The following ZNF638 variants were observed in gnomAD, a reference collection of about 807,000 sequenced individuals.
ZNF638 encodes CTCL tumor antigen se33-1.
A neutral mutation model predicts 195.6 loss-of-function variants in ZNF638; 46 were observed. The observed-to-expected ratio is 0.24, with a 90% CI of 0.19 to 0.30. ZNF638 has a LOEUF of 0.30. Ranked by LOEUF, ZNF638 falls within the 10% of genes least tolerant of loss-of-function variation. The pLI is 1.00. For missense variants in ZNF638, 2,440 were observed against 2,325.3 expected, an observed-to-expected ratio of 1.05 and a Z score of -1.01; for synonymous variants, 845 against 772.0, an observed-to-expected ratio of 1.09 and a Z score of -1.57.
chr2:71,421,940 G>A (rs1254221823), intron 21 of ZNF638, among the ~76,000 whole-genome samples: 2 of 152,014 alleles, frequency 1.3e-5, no homozygotes, highest in Admixed American at 6.5e-5. Context: ...GGAATTATAG[G>A]ACTACTCACT....
chr2:71,385,298 G>T (rs2079614045), intron 10 of ZNF638, among the ~76,000 whole-genome samples: 1 of 152,156 alleles, frequency 6.6e-6, no homozygotes, highest in Non-Finnish European at 1.5e-5. Flanking sequence ...TCATCCCAGA[G>T]AAATGAAAAC....
In ZNF638 at chr2:71,424,025, A is replaced by G; in HGVS notation, c.4511A>G (p.Asp1504Gly). Residue 1504 changes from aspartate to glycine, a missense_variant, in exon 22 of 28, where the codon GAC becomes GGC. Transcript: ENST00000264447. Reference protein sequence around the residue: ...EARPSIMKRDDSNNKTLAEQN... With the variant: ...EARPSIMKRDGSNNKTLAEQN... ...AGACCTTCCATCATGAAACGGGATG[A>G]CAGCAACAATAAGGTGAGGAGGGTA... 6.2e-7 allele frequency: 1 copy of G among 1,613,630 alleles called. No homozygotes were observed. The highest frequency in any genetic ancestry group is 8.5e-7 in the Non-Finnish European group (1 of 1,179,666).
chr2:71,372,097 G>T (rs1248851939), intron 8 of ZNF638, among the ~76,000 whole-genome samples: 1 of 152,254 alleles, frequency 6.6e-6, no homozygotes, highest in African/African-American at 2.4e-5. Context: ...TATGGTGAGA[G>T]ATAGGGTTCA....
chr2:71,382,541 A>G (rs140989805), intron 10 of ZNF638, among the ~76,000 whole-genome samples: 58 of 152,300 alleles, frequency 3.8e-4, no homozygotes, highest in African/African-American at 1.4e-3. Flanking sequence ...GTGTAATTTG[A>G]TCATGAATGG....
intron 11 of ZNF638, among the ~76,000 whole-genome samples, chr2:71,397,574 T>C (rs2079919242): frequency 6.6e-6 from 1 of 152,202 alleles, no homozygotes; most frequent in African/African-American, 2.4e-5. Flanking sequence ...ACCACCCTTA[T>C]GTATAGGGAA....
intron 8 of ZNF638, among the ~76,000 whole-genome samples, chr2:71,377,215 G>C (rs1445291796): frequency 6.6e-6 from 1 of 152,090 alleles, no homozygotes; most frequent in South Asian, 2.1e-4. Flanking sequence ...GCTGGGTGAC[G>C]GAGTGAGACC....
At chr2:71,363,649 T>C (rs2079146508) in intron 4 of ZNF638, among the ~76,000 whole-genome samples, 1 of 152,250 alleles carries the variant, frequency 6.6e-6, no homozygotes, top group Non-Finnish European at 1.5e-5. Flanking sequence ...TTTAATACTT[T>C]AAAAACATAA....
Position 71,349,730 on chromosome 2 carries a change from G to A in ZNF638, c.776G>A (p.Cys259Tyr), listed in dbSNP as rs1303606469. 2 of 1,614,184 alleles carry A rather than the reference G, an allele frequency of 1.2e-6. No individual in the cohort carries two copies. The highest frequency in any genetic ancestry group is 2.2e-5 in the South Asian group (2 of 91,088). Reference protein sequence around the residue: ...SASVPNPNVICNSMFPVEDVF... With the variant: ...SASVPNPNVIYNSMFPVEDVF... ...TCTGTTCCCAATCCAAATGTGATAT[G>A]TAATTCTATGTTTCCTGTTGAAGAC... The change falls in exon 2 of 28, where the codon TGT becomes TAT. Residue 259 changes from cysteine (C) to tyrosine (Y), a missense_variant. Cys to Tyr is a radical substitution (Grantham distance 194). Transcript: ENST00000264447.
chr2:71,407,549 CGTTT>C (rs1558874129), intron 19 of ZNF638: 1 of 151,926 alleles, frequency 6.6e-6, no homozygotes, highest in Non-Finnish European at 1.5e-5. Flanking sequence ...CAAATTTTAC[CGTTT>C]GTAAGACATA....
At chr2:71,390,624 C>T (rs771024645) in intron 10 of ZNF638, among the ~76,000 whole-genome samples, 14 of 152,050 alleles carry the variant, frequency 9.2e-5, no homozygotes, top group Non-Finnish European at 2.1e-4. Flanking sequence ...TTTGGAAGCA[C>T]GGGAGCCGTA....
rs761103104 is a variant in ZNF638 at position 71,399,344 on chromosome 2, C to G, written c.2501-215C>G. 3.3e-4 allele frequency among the ~76,000 whole-genome samples: 50 copies of G among 152,206 alleles called. No homozygotes were observed. The Middle Eastern group carries it at 0.01, about 31-fold the overall frequency. On this transcript the variant is annotated intron_variant, in intron 12 of 27. Coordinates refer to ENST00000264447, the MANE Select transcript of ZNF638 (RefSeq NM_014497.5). The stretch of plus-strand genomic sequence containing the variant: ...TGCCACATGAAGGTTAAACATGTGG[C>G]TCATTTGACGGCATCACCAAAAAGT...
intron 1 of ZNF638, among the ~76,000 whole-genome samples, chr2:71,336,201 G>A (rs531688338): frequency 6.6e-6 from 1 of 152,026 alleles, no homozygotes; most frequent in South Asian, 2.1e-4. Context: ...GAGAAACCCC[G>A]TCTCTACTAA....
In ZNF638 at chr2:71,363,944, CT is replaced by C. The variant is rs2079152276; in HGVS notation, c.1419-9del. ...GCTGATCACTTTCTTTTCCGCCCCC[CT>C]GCTTGTAGAAATGAGGGCAATAGAA... On this transcript the variant is annotated splice_polypyrimidine_tract_variant and intron_variant, in intron 4 of 27. Transcript: ENST00000264447. 1 of 1,600,108 alleles carries C rather than the reference CT, an allele frequency of 6.2e-7. No homozygotes were observed. The highest frequency in any genetic ancestry group is 8.5e-7 in the Non-Finnish European group (1 of 1,172,798).
Position 71,365,544 on chromosome 2 carries a change from A to G in ZNF638, c.1833A>G (p.Lys611=). The change falls in exon 6 of 28, where the codon AAA becomes AAG. Residue 611 remains lysine, a synonymous_variant. Coordinates refer to ENST00000264447, the MANE Select transcript of ZNF638 (RefSeq NM_014497.5). ...GACATTCACCAGCACAAAAGCCTAA[A>G]ACTAGCAGTGGAACAAAACCATCAG... ...DKGHSPAQKP[K]TSSGTKPSVK... is the part of the protein sequence containing the mutation. 6.2e-7 allele frequency: 1 copy of G among 1,614,180 alleles called. No homozygotes were observed. Among genetic ancestry groups the G allele is most frequent in the Non-Finnish European group, 8.5e-7 (1 of 1,180,020 alleles).
chr2:71,353,378 C>T (rs139213805), intron 2 of ZNF638, among the ~76,000 whole-genome samples: 1 of 152,108 alleles, frequency 6.6e-6, no homozygotes, highest in African/African-American at 2.4e-5. Flanking sequence ...GTGAGTGAGC[C>T]CTGATACGAG....
At chr2:71,410,977 A>ACCCCC (rs1385563930) in intron 20 of ZNF638, among the ~76,000 whole-genome samples, 2 of 43,062 alleles carry the variant, frequency 4.6e-5, no homozygotes, top group African/African-American at 1.0e-4. Flanking sequence ...CTCCCCACCC[A>ACCCCC]CCACCTCCCC....
At position 71,398,754 on chromosome 2, in the gene ZNF638, A is replaced by C; in HGVS notation, c.2482A>C (p.Lys828Gln). The C allele has an allele frequency of 6.2e-7, 1 of 1,613,186 alleles. No individual in the cohort carries two copies. Among genetic ancestry groups the C allele is most frequent in the Non-Finnish European group, 8.5e-7 (1 of 1,179,346 alleles). The change falls in exon 12 of 28, where the codon AAA (lysine) becomes CAA (glutamine). Residue 828 changes from lysine to glutamine, a missense_variant. This residue lies in a region of ZNF638 where 1,883 missense variants were observed against 1,739.1 expected (regional missense o/e 1.08). Coordinates refer to ENST00000264447, the MANE Select transcript of ZNF638 (RefSeq NM_014497.5). ...SVVTVAVKGN[K>Q]ASIKTAKSGG... is the part of the protein sequence containing the mutation. Reference sequence around the variant, plus strand: ...GGTAACGGTAGCTGTTAAAGGTAATAAAGCTTCAATCAAAACAGGTAAGAC... The same window carrying C: ...GGTAACGGTAGCTGTTAAAGGTAATCAAGCTTCAATCAAAACAGGTAAGAC...
chr2:71,397,421 A>G (rs2079915783), intron 11 of ZNF638, among the ~76,000 whole-genome samples: 1 of 152,174 alleles, frequency 6.6e-6, no homozygotes, highest in Non-Finnish European at 1.5e-5. Context: ...TTTTTGAGCA[A>G]AGATTATGGA....
At position 71,379,399 on chromosome 2, in the gene ZNF638, A is replaced by G. The variant is rs551837640; in HGVS notation, c.2266-823A>G. 1.8e-4 allele frequency: 27 copies of G among 152,324 alleles called. 1 individual carries two copies. The highest frequency in any genetic ancestry group is 5.5e-4 in the African/African-American group (23 of 41,574). The allele number at this position is 152,324 out of a possible 1,614,324, so 9.4% of individuals were successfully genotyped here. A position where few individuals can be genotyped will look rare whatever the true frequency, so the allele number is the denominator to read the frequency against. On this transcript the variant is annotated intron_variant, in intron 8 of 27. Transcript: ENST00000264447. The stretch of plus-strand genomic sequence containing the variant: ...CCAACTCCAGCCCACTGGGGCTGTG[A>G]GTCATTGCTTTGTCTAGAGTATCCA...
Sources: allele counts gnomAD v4.1 joint callset (sites outside exome capture counted in the v4.1 genomes callset), GRCh38; gene constraint gnomAD v4.1.1; regional missense constraint gnomAD v4.1.1; transcripts MANE v1.5; gene names NCBI Gene and HGNC (gene_info 2026-07-23, HGNC 2026-07-21).